EHHADH: variants seen among roughly 807,000 people sequenced by gnomAD.
EHHADH encodes enoyl-CoA hydratase and 3-hydroxyacyl CoA dehydrogenase.
In EHHADH, 48 loss-of-function variants were observed where a neutral mutation model predicts 64.4. The ratio of observed to expected loss-of-function variants is 0.75; its 90% confidence interval spans 0.59 to 0.95. EHHADH has a LOEUF of 0.95. Ranked by LOEUF, EHHADH falls within the 40% of genes least tolerant of loss-of-function variation. EHHADH has a pLI of 0.00. For missense variants in EHHADH, 854 were observed against 876.6 expected (o/e 0.97, Z 0.33); for synonymous variants, 308 against 326.7 (o/e 0.94, Z 0.62).
chr3:185,215,962 A>T (rs983520334), intron 5 of EHHADH, among the ~76,000 whole-genome samples: 3 of 152,130 alleles, frequency 2.0e-5, no homozygotes, highest in African/African-American at 7.2e-5. Flanking sequence ...TATAGTTTTC[A>T]TGATTATAAT....
chr3:185,191,070 C>G lies in EHHADH; in HGVS notation c.*1156G>C, dbSNP rs2108620779. 6.6e-6 allele frequency: 1 copy of G among 152,288 alleles called. No homozygotes were observed. The highest frequency in any genetic ancestry group is 2.4e-5 in the African/African-American group (1 of 41,564). 9.4% of individuals were successfully genotyped at this position (152,288 alleles called of 1,614,324 possible). A position where few individuals can be genotyped will look rare whatever the true frequency, so the allele number is the denominator to read the frequency against. ...GAAATCCTGTACCCATTAGATGAAT[C>G]CTGTACTCCCCATTCATCACCCCCA... is the stretch of plus-strand genomic sequence containing the variant. On this transcript the variant is annotated 3_prime_UTR_variant, in exon 7 of 7. Transcript: ENST00000231887.
chr3:185,204,384 G>T, intron 6 of EHHADH, 32 bp downstream of exon 6: 1 of 1,550,792 alleles, frequency 6.4e-7, no homozygotes. Flanking sequence ...GAGCAGATTT[G>T]GAGGATTCCA....
rs377162009 is a variant in EHHADH, at chr3:185,216,922, A to T, written c.568+1214T>A. Among the ~76,000 whole-genome samples, 11 of 152,224 alleles carry T rather than the reference A, an allele frequency of 7.2e-5. No individual in the cohort carries two copies. Among genetic ancestry groups the T allele is most frequent in the African/African-American group, 2.4e-4 (10 of 41,462 alleles). ...TGAAAAGAAACTGTGAAACAAACAA[A>T]AAAACCTCTGTGAGTGCCACTGAAA... is the stretch of plus-strand genomic sequence containing the variant. On this transcript the variant is annotated intron_variant, in intron 5 of 6. Transcript: ENST00000231887. The surrounding 1 kb of genome is among the most constrained non-coding windows in gnomAD (Gnocchi z 5.3).
chr3:185,220,479 T>C (rs993792914), intron 4 of EHHADH, among the ~76,000 whole-genome samples: 9 of 152,222 alleles, frequency 5.9e-5, no homozygotes, highest in Non-Finnish European at 1.3e-4. Flanking sequence ...GGCCATACCA[T>C]ATAGCCTAGG....
Position 185,216,589 on chromosome 3 carries a change from T to G in EHHADH, c.568+1547A>C, listed in dbSNP as rs1248975904. On this transcript the variant is annotated intron_variant, in intron 5 of 6. Transcript: ENST00000231887. This position sits in a 1 kb window ranked among gnomAD's most constrained non-coding sequence, Gnocchi z 5.3. ...GACTTGCTGATTCTCTTTAGGGGTC[T>G]CCATTATTTTCTCCCCATCGTTCCT... Among the ~76,000 whole-genome samples the G allele has an allele frequency of 6.6e-6, 1 of 152,226 alleles. No individual in the cohort carries two copies. The highest frequency in any genetic ancestry group is 2.4e-5 in the African/African-American group (1 of 41,464).
intron 1 of EHHADH, 82 bp downstream of exon 1, chr3:185,253,867 C>T: frequency 6.4e-7 from 1 of 1,573,192 alleles, no homozygotes. Context: ...TTTAAACCGA[C>T]GGGGGAGAGT....
At chr3:185,210,968 A>G (rs1718526170) in intron 5 of EHHADH, among the ~76,000 whole-genome samples, 1 of 152,214 alleles carries the variant, frequency 6.6e-6, no homozygotes, top group South Asian at 2.1e-4. Context: ...TTTGGGAGCT[A>G]TCCAAGGCAC....
chr3:185,210,727 G>C (rs1718519585), intron 5 of EHHADH, among the ~76,000 whole-genome samples: 1 of 152,026 alleles, frequency 6.6e-6, no homozygotes. Flanking sequence ...ATAGCCTCTG[G>C]GAGCTCCAAG....
chr3:185,236,519 C>T (rs776641673), intron 2 of EHHADH, among the ~76,000 whole-genome samples: 18 of 144,548 alleles, frequency 1.2e-4, no homozygotes, highest in Non-Finnish European at 2.4e-4. Context: ...TTTCATATAA[C>T]ATTATACATA....
At chr3:185,202,380 C>T (rs1205704897) in intron 6 of EHHADH, among the ~76,000 whole-genome samples, 1 of 151,632 alleles carries the variant, frequency 6.6e-6, no homozygotes, top group African/African-American at 2.4e-5. Context: ...CAAGGGTAGA[C>T]CTCAACAGAG....
Position 185,253,814 on chromosome 3 carries a change from C to G in EHHADH, c.74+135G>C, listed in dbSNP as rs1329086012. The G allele has an allele frequency of 4.4e-6, 6 of 1,365,604 alleles. No homozygotes were observed. The African/African-American group carries it at 9.1e-5, about 21-fold the overall frequency. The allele number at this position is 1,365,604 out of a possible 1,614,324, so 84.6% of individuals were successfully genotyped here. A position where few individuals can be genotyped will look rare whatever the true frequency, so the allele number is the denominator to read the frequency against. ...AAAGAAAGAAAAGAAAAAAAAAGTT[C>G]CTGGCATGTACCAGTTGCTCAACTC... On this transcript the variant is annotated intron_variant, in intron 1 of 6. Coordinates refer to ENST00000231887, the MANE Select transcript of EHHADH (RefSeq NM_001966.4).
chr3:185,208,114 C>T (rs1444337236), intron 5 of EHHADH, among the ~76,000 whole-genome samples: 1 of 152,208 alleles, frequency 6.6e-6, no homozygotes, highest in Non-Finnish European at 1.5e-5. Flanking sequence ...TACTTTCTTG[C>T]CCTCTCAAAT....
At chr3:185,194,667 G>T (rs1293535800) in intron 6 of EHHADH, among the ~76,000 whole-genome samples, 1 of 151,272 alleles carries the variant, frequency 6.6e-6, no homozygotes, top group East Asian at 1.9e-4. Flanking sequence ...AGGCATGATG[G>T]TGCATGCCTA....
At chr3:185,204,902 T>C in intron 5 of EHHADH, 145 bp from the exon 6 acceptor site, 1 of 644,740 alleles carries the variant, frequency 1.6e-6, no homozygotes, top group Non-Finnish European at 2.6e-6. Context: ...ACTAAACATA[T>C]GTACACTAAC....
intron 2 of EHHADH, among the ~76,000 whole-genome samples, chr3:185,244,118 T>C (rs556891847): frequency 3.7e-4 from 57 of 152,340 alleles, no homozygotes; most frequent in East Asian, 3.3e-3. Context: ...TCTTTGTCTT[T>C]TTACTGTTGT....
chr3:185,253,955 G>T lies in EHHADH; in HGVS notation c.68C>A (p.Ala23Glu). The stretch of plus-strand genomic sequence containing the variant: ...AGGCGACCGAGCCCGTTACCTGATC[G>T]CGTTGACCGGCGGGTTTCGGAGGCG... Reference protein sequence around the residue: ...LIRLRNPPVNAISTTLLRDIK... With the variant: ...LIRLRNPPVNEISTTLLRDIK... Residue 23 changes from alanine (A) to glutamate (E), a missense_variant, in exon 1 of 7, where the codon GCG becomes GAG. By Grantham distance (107) the Ala-to-Glu change is moderately radical. Transcript: ENST00000231887. The T allele has an allele frequency of 6.2e-7, 1 of 1,614,108 alleles. No individual in the cohort carries two copies. The highest frequency in any genetic ancestry group is 8.5e-7 in the Non-Finnish European group (1 of 1,179,986).
At chr3:185,241,524 G>C (rs1001215589) in intron 2 of EHHADH, among the ~76,000 whole-genome samples, 5 of 152,120 alleles carry the variant, frequency 3.3e-5, no homozygotes, top group Non-Finnish European at 7.4e-5. Flanking sequence ...TCGCATTGTG[G>C]TTTTGATTTG....
chr3:185,238,144 TTATC>T (rs1719348610), intron 2 of EHHADH, among the ~76,000 whole-genome samples: 2 of 152,190 alleles, frequency 1.3e-5, no homozygotes, highest in South Asian at 2.1e-4. Flanking sequence ...ATGGTTTTCT[TTATC>T]TAATCAACCA....
intron 4 of EHHADH, among the ~76,000 whole-genome samples, chr3:185,227,945 C>T (rs1483603314): frequency 6.6e-6 from 1 of 151,852 alleles, no homozygotes; most frequent in Admixed American, 6.6e-5. Context: ...TTCGCCACAT[C>T]ACCCTATAGT....
Sources: allele counts gnomAD v4.1 joint callset (sites outside exome capture counted in the v4.1 genomes callset), GRCh38; gene constraint gnomAD v4.1.1; non-coding constraint Gnocchi (gnomAD v3.1); transcripts MANE v1.5; gene names NCBI Gene and HGNC (gene_info 2026-07-23, HGNC 2026-07-21).